Variants in DHX36 observed in about 807,000 individuals in gnomAD.
DHX36 encodes the protein ATP-dependent DNA/RNA helicase DHX36.
In DHX36, 50 loss-of-function variants were observed where a neutral mutation model predicts 139.0. That is an observed-to-expected ratio of 0.36 (90% CI 0.29 to 0.46). The LOEUF (loss-of-function observed/expected upper bound fraction) is 0.46, where lower values mean the gene tolerates loss of function less well. DHX36 is among the 20% of genes least tolerant of loss of function. The pLI is 1.00. For missense variants in DHX36, 1,024 were observed against 1,211.3 expected (o/e 0.85, Z 2.29); for synonymous variants, 425 against 401.9 (o/e 1.06, Z -0.69).
At chr3:154,303,008 C>T (rs1274993152) in intron 9 of DHX36, among the ~76,000 whole-genome samples, 2 of 152,134 alleles carry the variant, frequency 1.3e-5, no homozygotes, top group East Asian at 1.9e-4. Context: ...ACCTGGAAGG[C>T]GGAGGTTGCC....
At chr3:154,307,560 A>G (rs1234402177) in intron 5 of DHX36, among the ~76,000 whole-genome samples, 20 of 152,142 alleles carry the variant, frequency 1.3e-4, no homozygotes, top group Non-Finnish European at 1.0e-4. Context: ...TAAAACCACA[A>G]TGAGATATCA....
intron 5 of DHX36, among the ~76,000 whole-genome samples, chr3:154,308,028 G>A (rs1712575533): frequency 6.6e-6 from 1 of 152,132 alleles, no homozygotes; most frequent in South Asian, 2.1e-4. Flanking sequence ...CCAGGTATAT[G>A]TGGACATAGA....
rs1378355204 is a variant in DHX36, at chr3:154,274,082, A to ACAG, written c.*2088_*2089insCTG. ...AGCACTTTGGGAAGCCAAGGCGGGC[A>ACAG]GACTGCTTGAGCACAGGAGTTTTGA... On this transcript the variant is annotated 3_prime_UTR_variant, in exon 25 of 25. Transcript: ENST00000496811. The ACAG allele has an allele frequency of 6.6e-6, 1 of 152,588 alleles. No homozygotes were observed. The highest frequency in any genetic ancestry group is 2.4e-5 in the African/African-American group (1 of 41,460). The allele number at this position is 152,588 out of a possible 1,614,324, so 9.5% of individuals were successfully genotyped here. A position where few individuals can be genotyped will look rare whatever the true frequency, so the allele number is the denominator to read the frequency against.
chr3:154,278,737 C>T (rs1306400802), intron 22 of DHX36: 2 of 152,184 alleles, frequency 1.3e-5, no homozygotes, highest in Admixed American at 6.5e-5. Context: ...ACCTTGGCCT[C>T]CCAAAGTGCC....
rs553245644 is a variant in DHX36 at position 154,315,977 on chromosome 3, T to A, written c.368+62A>T. Reference sequence around the variant, plus strand: ...TCACTTATCGAAGAAAATAAAGATGTTATTTTTATTATTAAAGTGTTACTC... The same window carrying A: ...TCACTTATCGAAGAAAATAAAGATGATATTTTTATTATTAAAGTGTTACTC... On this transcript the variant is annotated intron_variant, in intron 2 of 24. Coordinates refer to ENST00000496811, the MANE Select transcript of DHX36 (RefSeq NM_020865.3). 86 of 1,509,932 alleles carry A rather than the reference T, an allele frequency of 5.7e-5. No individual in the cohort carries two copies. The African/African-American group carries it at 1.0e-3, about 18-fold the overall frequency. The allele number at this position is 1,509,932 out of a possible 1,614,324, so 93.5% of individuals were successfully genotyped here. A position where few individuals can be genotyped will look rare whatever the true frequency, so the allele number is the denominator to read the frequency against.
At chr3:154,293,592 AC>A (rs1293285452) in intron 14 of DHX36, among the ~76,000 whole-genome samples, 155 bp downstream of exon 14, 1 of 152,214 alleles carries the variant, frequency 6.6e-6, no homozygotes, top group African/African-American at 2.4e-5. Flanking sequence ...AAAAAAGCCC[AC>A]AAAAAATAAA....
intron 17 of DHX36, among the ~76,000 whole-genome samples, chr3:154,287,618 C>T (rs1184824460): frequency 6.6e-6 from 1 of 152,010 alleles, no homozygotes; most frequent in Non-Finnish European, 1.5e-5. Flanking sequence ...GATCATGCCA[C>T]TGCACTCCAT....
intron 14 of DHX36, 128 bp downstream of exon 14, chr3:154,293,620 T>C (rs1044178226): frequency 1.5e-6 from 1 of 659,034 alleles, no homozygotes; most frequent in East Asian, 2.8e-5. Context: ...CTCACTGCCA[T>C]AAAAAAGGTT....
chr3:154,316,311 T>G, intron 1 of DHX36, 148 bp from the exon 2 acceptor site: 1 of 958,360 alleles, frequency 1.0e-6, no homozygotes, highest in Non-Finnish European at 1.5e-6. Context: ...TCTAGCCCAA[T>G]ACCCCCCTTC....
chr3:154,294,829 G>GT (rs1440924307), intron 13 of DHX36, among the ~76,000 whole-genome samples: 4 of 152,178 alleles, frequency 2.6e-5, no homozygotes, highest in African/African-American at 4.8e-5. Context: ...GAAAGCGCCT[G>GT]TATCTGATGG....
chr3:154,301,199 T>C (rs2108352103), intron 9 of DHX36, 72 bp from the exon 10 acceptor site: 3 of 1,420,510 alleles, frequency 2.1e-6, no homozygotes, highest in African/African-American at 1.4e-5. Context: ...TGTGACATTT[T>C]ATATTTAGGA....
Position 154,304,862 on chromosome 3 carries a change from A to C in DHX36, c.1079T>G (p.Leu360Trp). The change falls in exon 8 of 25, where the codon TTG becomes TGG. Residue 360 changes from leucine (L) to tryptophan (W), a missense_variant. This residue lies in a region of DHX36 where 146 missense variants were observed against 215.0 expected (regional missense o/e 0.68). Coordinates refer to ENST00000496811, the MANE Select transcript of DHX36 (RefSeq NM_020865.3). ...VKDLLNFRSD[L>W]KVILMSATLN... The stretch of plus-strand genomic sequence containing the variant: ...TGTTGCACTCATCAATATTACTTTC[A>C]AGTCAGATCGAAAATTGAGAAGGTC... The C allele has an allele frequency of 6.2e-7, 1 of 1,608,750 alleles. No homozygotes were observed.
intron 19 of DHX36, among the ~76,000 whole-genome samples, chr3:154,283,888 T>C (rs558130786): frequency 6.6e-6 from 1 of 152,312 alleles, no homozygotes; most frequent in African/African-American, 2.4e-5. Flanking sequence ...ATTATGTACA[T>C]GATTATGATC....
At position 154,276,223 on chromosome 3, in the gene DHX36, T is replaced by C; in HGVS notation, c.2975A>G (p.Lys992Arg). Residue 992 changes from lysine (K) to arginine (R), a missense_variant, in exon 25 of 25, where the codon AAG (lysine) becomes AGG (arginine). Lys to Arg is a conservative substitution (Grantham distance 26). Transcript: ENST00000496811. ...AIIDLIKTQE[K>R]ATPRNFPPRF... ...TGGCGGAAAGTTCCTGGGAGTTGCCTTTTCCTGTGTTTTGATCAAGTCTAT... is the reference window on the plus strand; with the variant it reads ...TGGCGGAAAGTTCCTGGGAGTTGCCCTTTCCTGTGTTTTGATCAAGTCTAT... The C allele has an allele frequency of 6.2e-7, 1 of 1,612,744 alleles. No homozygotes were observed. The highest frequency in any genetic ancestry group is 1.3e-5 in the African/African-American group (1 of 74,892).
chr3:154,283,704 CA>C (rs1238898362), intron 19 of DHX36, among the ~76,000 whole-genome samples: 3 of 150,604 alleles, frequency 2.0e-5, no homozygotes, highest in Admixed American at 1.3e-4. Flanking sequence ...AGCTCAAAGA[CA>C]AAAAAACATG....
chr3:154,320,518 T>G (rs928616746), intron 1 of DHX36, among the ~76,000 whole-genome samples: 11 of 152,118 alleles, frequency 7.2e-5, no homozygotes, highest in African/African-American at 2.7e-4. Flanking sequence ...TGTCAAATAC[T>G]TATCTCCAGT....
Position 154,303,358 on chromosome 3 carries a change from A to G in DHX36, c.1188T>C (p.Tyr396=). The G allele has an allele frequency of 2.5e-6, 4 of 1,607,414 alleles. No individual in the cohort carries two copies. The highest frequency in any genetic ancestry group is 2.5e-6 in the Non-Finnish European group (3 of 1,177,032). ...TTTTTTCAATTACATCTTCCAAAAG[A>G]TATTCCACAACCGGAAAGGTAAAAC... ...IPGFTFPVVE[Y]LLEDVIEKIR... is the part of the protein sequence containing the mutation. Residue 396 remains tyrosine, a synonymous_variant, in exon 9 of 25, where the codon TAT becomes TAC. Coordinates refer to ENST00000496811, the MANE Select transcript of DHX36 (RefSeq NM_020865.3).
At chr3:154,295,369 ATAAAGAG>A in intron 12 of DHX36, 30 bp from the exon 13 acceptor site, 1 of 1,265,952 alleles carries the variant, frequency 7.9e-7, no homozygotes, top group Non-Finnish European at 1.1e-6. Context: ...AAATTTTAAG[ATAAAGAG>A]TTGCAGAAAA....
chr3:154,301,542 A>G (rs779680631), intron 9 of DHX36, among the ~76,000 whole-genome samples: 3 of 152,206 alleles, frequency 2.0e-5, no homozygotes, highest in Non-Finnish European at 2.9e-5. Context: ...TGGATTTGGT[A>G]GGTATGCCTT....
Sources: allele counts gnomAD v4.1 joint callset (sites outside exome capture counted in the v4.1 genomes callset), GRCh38; gene constraint gnomAD v4.1.1; regional missense constraint gnomAD v4.1.1; transcripts MANE v1.5; gene names NCBI Gene and HGNC (gene_info 2026-07-23, HGNC 2026-07-21).